The following KCNK10 variants were observed in gnomAD, a reference collection of about 807,000 sequenced individuals.
KCNK10 encodes potassium two pore domain channel subfamily K member 10, also known as potassium channel subfamily K member 10.
Under a neutral mutation model 47.7 loss-of-function variants are expected in KCNK10, and 25 were observed. The ratio of observed to expected loss-of-function variants is 0.52; its 90% CI spans 0.38 to 0.73. The LOEUF is 0.73. KCNK10 is among the 30% of genes least tolerant of loss of function. The pLI, the probability that KCNK10 is intolerant of heterozygous loss-of-function variation, is 0.00. For synonymous variants in KCNK10, 303 were observed against 285.6 expected, an observed-to-expected ratio of 1.06 and a Z score of -0.61; for missense variants, 563 against 714.5, an observed-to-expected ratio of 0.79 and a Z score of 2.42.
At position 88,263,276 on chromosome 14, in the gene KCNK10, T is replaced by C. The variant is rs1595112611; in HGVS notation, c.328A>G (p.Ile110Val). ...AGGAATTCCGCCTTCTCCAAGGCGA[T>C]GGTATTCTTCTGGCTGCTCTCAAAG... ...QPFESSQKNT[I>V]ALEKAEFLRD... The change falls in exon 2 of 7, where the codon ATC becomes GTC. Residue 110 changes from isoleucine (I) to valine (V), a missense_variant. Coordinates refer to ENST00000319231, the MANE Select transcript of KCNK10 (RefSeq NM_138317.3). The C allele has an allele frequency of 1.2e-6, 2 of 1,614,148 alleles. No individual in the cohort carries two copies. The highest frequency in any genetic ancestry group is 1.6e-4 in the Middle Eastern group (1 of 6,062).
chr14:88,281,851 TG>T (rs1887659257), intron 1 of KCNK10, among the ~76,000 whole-genome samples: 1 of 151,738 alleles, frequency 6.6e-6, no homozygotes, highest in South Asian at 2.1e-4. Flanking sequence ...TGTGTGTGTG[TG>T]TGTTTGTATC....
chr14:88,198,724 GTT>G (rs1476732925), intron 4 of KCNK10, among the ~76,000 whole-genome samples: 1 of 152,170 alleles, frequency 6.6e-6, no homozygotes, highest in Non-Finnish European at 1.5e-5. Context: ...CCCAGGAACT[GTT>G]AACCCAGCCC....
At position 88,182,650 on chromosome 14, in the gene KCNK10, T is replaced by A. The variant is rs1438260489; in HGVS notation, c.*2885A>T. On this transcript the variant is annotated 3_prime_UTR_variant, in exon 7 of 7. Coordinates refer to ENST00000319231, the MANE Select transcript of KCNK10 (RefSeq NM_138317.3). ...TGGCCAAATGTCTCAGGGAATGGGT[T>A]ATGTAGAAAATTTTCCCACCCCCAG... The A allele has an allele frequency of 6.6e-6, 1 of 152,348 alleles. No individual in the cohort carries two copies. Among genetic ancestry groups the A allele is most frequent in the Non-Finnish European group, 1.5e-5 (1 of 68,042 alleles). 9.4% of individuals were successfully genotyped at this position (152,348 alleles called of 1,614,324 possible).
intron 3 of KCNK10, among the ~76,000 whole-genome samples, chr14:88,234,150 A>T (rs1886230930): frequency 6.6e-6 from 1 of 152,190 alleles, no homozygotes; most frequent in African/African-American, 2.4e-5. Context: ...CGTATACTAA[A>T]TGGTGTCAGG....
At chr14:88,206,741 A>G (rs946232097) in intron 4 of KCNK10, among the ~76,000 whole-genome samples, 13 of 152,348 alleles carry the variant, frequency 8.5e-5, no homozygotes, top group African/African-American at 2.4e-4. Context: ...TTATTGAAAC[A>G]TTACTTTCCA....
intron 4 of KCNK10, among the ~76,000 whole-genome samples, chr14:88,214,365 C>T (rs1485534591): frequency 6.6e-6 from 1 of 152,158 alleles, no homozygotes; most frequent in East Asian, 1.9e-4. Flanking sequence ...TTGAGCTGTG[C>T]ATTTCCTCCT....
chr14:88,230,643 T>C (rs187171665), intron 3 of KCNK10, among the ~76,000 whole-genome samples: 9 of 152,276 alleles, frequency 5.9e-5, no homozygotes, highest in Admixed American at 1.3e-4. Flanking sequence ...ATGTGCACCC[T>C]GTGCAGTCCC....
chr14:88,317,700 T>C (rs1451703332), intron 1 of KCNK10, among the ~76,000 whole-genome samples: 2 of 152,244 alleles, frequency 1.3e-5, no homozygotes, highest in Non-Finnish European at 2.9e-5. Context: ...CATCTTGCTT[T>C]ATTTGTCAGT....
At chr14:88,246,592 C>T (rs890982453) in intron 2 of KCNK10, among the ~76,000 whole-genome samples, 1 of 152,228 alleles carries the variant, frequency 6.6e-6, no homozygotes, top group African/African-American at 2.4e-5. Context: ...GGTGAGTTCA[C>T]AATATTTCAA....
intron 2 of KCNK10, among the ~76,000 whole-genome samples, chr14:88,248,732 C>T (rs1886709784): frequency 6.7e-6 from 1 of 148,160 alleles, no homozygotes; most frequent in African/African-American, 2.6e-5. Context: ...CTTTACAGAA[C>T]AAGATTCTGT....
intron 2 of KCNK10, 142 bp from the exon 3 acceptor site, chr14:88,240,962 TGGTAG>T: frequency 1.8e-6 from 1 of 557,218 alleles, no homozygotes; most frequent in Non-Finnish European, 3.2e-6. Flanking sequence ...AAGTGGATGA[TGGTAG>T]CATCCCAAAG....
chr14:88,201,702 T>C (rs1404730872), intron 4 of KCNK10, among the ~76,000 whole-genome samples: 1 of 152,218 alleles, frequency 6.6e-6, no homozygotes, highest in Non-Finnish European at 1.5e-5. Context: ...GAAGCCTATT[T>C]TGATTGCTGA....
At chr14:88,308,324 T>C (rs1209623925) in intron 1 of KCNK10, among the ~76,000 whole-genome samples, 2 of 152,148 alleles carry the variant, frequency 1.3e-5, no homozygotes, top group Non-Finnish European at 2.9e-5. Flanking sequence ...CCTGGATTCT[T>C]AATGGACACC....
intron 4 of KCNK10, among the ~76,000 whole-genome samples, chr14:88,202,767 A>G (rs567235726): frequency 2.9e-5 from 4 of 138,480 alleles, no homozygotes; most frequent in African/African-American, 1.1e-4. Context: ...GAGGGACGAG[A>G]TCTTCCTAGA....
At chr14:88,221,418 A>G (rs1283183167) in intron 4 of KCNK10, among the ~76,000 whole-genome samples, 1 of 152,194 alleles carries the variant, frequency 6.6e-6, no homozygotes, top group African/African-American at 2.4e-5. Flanking sequence ...ACACTTCACC[A>G]AAGAAGATAT....
intron 1 of KCNK10, among the ~76,000 whole-genome samples, chr14:88,316,370 A>G (rs1329288939): frequency 6.6e-6 from 1 of 152,240 alleles, no homozygotes; most frequent in East Asian, 1.9e-4. Flanking sequence ...TAGATGTTCT[A>G]GCAAGTAAAT....
At position 88,289,070 on chromosome 14, in the gene KCNK10, C is replaced by T. The variant is rs188679530; in HGVS notation, c.53-25519G>A. 3.5e-3 allele frequency among the ~76,000 whole-genome samples: 532 copies of T among 152,292 alleles called. 2 individuals carry two copies. Among genetic ancestry groups the T allele is most frequent in the African/African-American group, 0.012 (497 of 41,564 alleles). On this transcript the variant is annotated intron_variant, in intron 1 of 6. Transcript: ENST00000319231. ...AGAATATATGATTCAACCCAGCACC[C>T]GGGTTGGTCTCATTATAACACCACT...
At chr14:88,303,968 G>A (rs1888157990) in intron 1 of KCNK10, among the ~76,000 whole-genome samples, 1 of 152,046 alleles carries the variant, frequency 6.6e-6, no homozygotes, top group African/African-American at 2.4e-5. Flanking sequence ...AGTTCCTTGT[G>A]CCACCAGAAT....
At chr14:88,249,848 G>T (rs539154492) in intron 2 of KCNK10, among the ~76,000 whole-genome samples, 1 of 152,234 alleles carries the variant, frequency 6.6e-6, no homozygotes, top group African/African-American at 2.4e-5. Flanking sequence ...ACAGGGTGGA[G>T]GCATCTTGCA....
Sources: allele counts gnomAD v4.1 joint callset (sites outside exome capture counted in the v4.1 genomes callset), GRCh38; gene constraint gnomAD v4.1.1; transcripts MANE v1.5; gene names NCBI Gene and HGNC (gene_info 2026-07-23, HGNC 2026-07-21).